LRRC3B: variants seen among roughly 807,000 people sequenced by gnomAD.
LRRC3B encodes the protein leucine-rich repeat-containing protein 3B.
In LRRC3B, 2 loss-of-function variants were observed where a neutral mutation model predicts 12.8. The ratio of observed to expected loss-of-function variants is 0.16; its 90% CI spans 0.06 to 0.49. LRRC3B has a LOEUF of 0.49. Ranked by LOEUF, LRRC3B falls within the 20% of genes least tolerant of loss-of-function variation. The pLI is 0.96. For missense variants in LRRC3B, 189 were observed against 319.4 expected (o/e 0.59, Z 3.11); for synonymous variants, 132 against 122.0 (o/e 1.08, Z -0.54).
chr3:26,658,802 T>C (rs535000866), intron 1 of LRRC3B, among the ~76,000 whole-genome samples: 2 of 152,040 alleles, frequency 1.3e-5, no homozygotes, highest in South Asian at 4.2e-4. Flanking sequence ...GCTTCAAGTC[T>C]AAGATTGCAT....
At chr3:26,627,441 G>A (rs996440368) in intron 1 of LRRC3B, among the ~76,000 whole-genome samples, 3 of 152,032 alleles carry the variant, frequency 2.0e-5, no homozygotes, top group African/African-American at 7.2e-5. Flanking sequence ...TAGGACCTAG[G>A]CCATCCTATA....
intron 1 of LRRC3B, among the ~76,000 whole-genome samples, chr3:26,682,346 C>G (rs190995885): frequency 6.6e-6 from 1 of 152,214 alleles, no homozygotes; most frequent in Non-Finnish European, 1.5e-5. Context: ...TTACTGCCAC[C>G]TTTTTCCTGG....
chr3:26,663,019 C>T (rs1301708505), intron 1 of LRRC3B, among the ~76,000 whole-genome samples: 2 of 152,130 alleles, frequency 1.3e-5, no homozygotes, highest in Non-Finnish European at 2.9e-5. Flanking sequence ...AACCAAGTTG[C>T]TGTGCCAGAT....
intron 1 of LRRC3B, among the ~76,000 whole-genome samples, chr3:26,695,528 A>C (rs1700294010): frequency 6.6e-6 from 1 of 151,158 alleles, no homozygotes; most frequent in Non-Finnish European, 1.5e-5. Context: ...CAACATCTCA[A>C]ACAAACAAAC....
chr3:26,659,592 T>C (rs1344640647), intron 1 of LRRC3B, among the ~76,000 whole-genome samples: 2 of 152,240 alleles, frequency 1.3e-5, no homozygotes, highest in Non-Finnish European at 2.9e-5. Context: ...TTTGTAAATA[T>C]CCACTTTATA....
At chr3:26,652,189 G>A (rs78568456) in intron 1 of LRRC3B, among the ~76,000 whole-genome samples, 6,619 of 152,216 alleles carry the variant, frequency 0.043, 314 homozygotes, top group East Asian at 0.23. Context: ...GTAATGTTTC[G>A]CTTTCTGAAA....
At chr3:26,633,124 T>C (rs1433747735) in intron 1 of LRRC3B, among the ~76,000 whole-genome samples, 1 of 152,170 alleles carries the variant, frequency 6.6e-6, no homozygotes, top group Admixed American at 6.5e-5. Flanking sequence ...CCATTCCCTA[T>C]TGCTGACAGT....
At chr3:26,700,446 G>C (rs1032948874) in intron 1 of LRRC3B, among the ~76,000 whole-genome samples, 2 of 152,170 alleles carry the variant, frequency 1.3e-5, no homozygotes, top group African/African-American at 4.8e-5. Context: ...CTAACCAGCT[G>C]TATGGCTTTG....
rs73821176 is a variant in LRRC3B, at chr3:26,664,305, T to G, written c.-161+41068T>G. ...AGGAGTTTTGGGTAACATTTTTTCCTACACTGTTGAGAATTTGAGTATTGC... is the reference window on the plus strand; with the variant it reads ...AGGAGTTTTGGGTAACATTTTTTCCGACACTGTTGAGAATTTGAGTATTGC... On this transcript the variant is annotated intron_variant, in intron 1 of 1. Transcript: ENST00000396641. Among the ~76,000 whole-genome samples, 1,452 of 152,174 alleles carry G rather than the reference T, an allele frequency of 9.5e-3. 29 individuals are homozygous for G. Among genetic ancestry groups the G allele is most frequent in the African/African-American group, 0.034 (1,400 of 41,520 alleles).
intron 1 of LRRC3B, among the ~76,000 whole-genome samples, chr3:26,641,547 C>T (rs150711290): frequency 6.6e-6 from 1 of 152,152 alleles, no homozygotes; most frequent in African/African-American, 2.4e-5. Context: ...TAAGTCAACA[C>T]AATAGAAAAC....
intron 1 of LRRC3B, among the ~76,000 whole-genome samples, chr3:26,705,643 G>C (rs1016506330): frequency 6.6e-6 from 1 of 152,028 alleles, no homozygotes; most frequent in Non-Finnish European, 1.5e-5. Context: ...TACTGCTTTG[G>C]GTTTGTGTGT....
chr3:26,701,789 A>T (rs1291538236), intron 1 of LRRC3B, among the ~76,000 whole-genome samples: 1 of 152,088 alleles, frequency 6.6e-6, no homozygotes, highest in Non-Finnish European at 1.5e-5. Flanking sequence ...TGACTGTTTT[A>T]CTTTCAAAGT....
chr3:26,658,028 T>C (rs1348624943), intron 1 of LRRC3B, among the ~76,000 whole-genome samples: 1 of 152,198 alleles, frequency 6.6e-6, no homozygotes, highest in Non-Finnish European at 1.5e-5. Flanking sequence ...AATCTTGACT[T>C]TACTCAAGCC....
At chr3:26,667,314 G>C (rs1699626755) in intron 1 of LRRC3B, among the ~76,000 whole-genome samples, 1 of 152,018 alleles carries the variant, frequency 6.6e-6, no homozygotes, top group African/African-American at 2.4e-5. Flanking sequence ...TAAAATGTCT[G>C]GGTTGTCATG....
At chr3:26,679,596 A>G (rs930769295) in intron 1 of LRRC3B, among the ~76,000 whole-genome samples, 2 of 152,270 alleles carry the variant, frequency 1.3e-5, no homozygotes, top group South Asian at 2.1e-4. Flanking sequence ...TAACCTTCCT[A>G]TTTAAAATAG....
At chr3:26,623,037 G>C (rs1048596418) in exon 1 of LRRC3B, 2 of 151,654 alleles carry the variant, frequency 1.3e-5, no homozygotes, top group Non-Finnish European at 2.9e-5. Context: ...CCCAGCCGCC[G>C]CGCACCAACG....
At chr3:26,628,510 ATATT>A (rs1384807255) in intron 1 of LRRC3B, among the ~76,000 whole-genome samples, 1 of 150,786 alleles carries the variant, frequency 6.6e-6, no homozygotes, top group Non-Finnish European at 1.5e-5. Flanking sequence ...ATCTTAATCT[ATATT>A]TAGATTTGAA....
At chr3:26,651,443 T>C (rs1378962289) in intron 1 of LRRC3B, among the ~76,000 whole-genome samples, 2 of 152,228 alleles carry the variant, frequency 1.3e-5, no homozygotes, top group African/African-American at 4.8e-5. Flanking sequence ...GGTGTGTACC[T>C]GTGTGTATCT....
chr3:26,694,017 A>G (rs1004547816), intron 1 of LRRC3B, among the ~76,000 whole-genome samples: 1 of 152,200 alleles, frequency 6.6e-6, no homozygotes, highest in African/African-American at 2.4e-5. Flanking sequence ...TCTGCCTGCA[A>G]TAGACATTAG....
Sources: gnomAD v4.1 joint callset for allele counts (sites outside exome capture counted in the v4.1 genomes callset) on GRCh38, gnomAD v4.1.1 for gene constraint, MANE v1.5 for transcripts, NCBI Gene and HGNC (gene_info 2026-07-23, HGNC 2026-07-21) for gene names.